LRRTM4: variants seen among roughly 807,000 people sequenced by gnomAD.
LRRTM4 encodes leucine-rich repeat transmembrane neuronal protein 4.
In LRRTM4, 25 loss-of-function variants were observed where a neutral mutation model predicts 47.6. That is an observed-to-expected ratio of 0.53 (90% CI 0.38 to 0.73). LRRTM4 has a LOEUF of 0.73. Among genes scored for constraint, LRRTM4 ranks in the 30% least tolerant of loss-of-function variants. The pLI is 0.00. For synonymous variants in LRRTM4, 311 were observed against 269.5 expected (o/e 1.15, Z -1.51); for missense variants, 638 against 713.4 (o/e 0.89, Z 1.20).
At chr2:77,104,707 T>TGGCGTCCTCA (rs1234493028) in intron 3 of LRRTM4, among the ~76,000 whole-genome samples, 12 of 152,174 alleles carry the variant, frequency 7.9e-5, no homozygotes, top group African/African-American at 2.7e-4. Context: ...GAACACTTGG[T>TGGCGTCCTCA]GGCGCCAATT....
In LRRTM4 at chr2:77,020,152, G is replaced by C. The variant is rs1039412866; in HGVS notation, c.1552-271236C>G. On this transcript the variant is annotated intron_variant, in intron 3 of 3. Coordinates refer to ENST00000409884, the MANE Select transcript of LRRTM4 (RefSeq NM_001134745.3). ...AGGAAGAGAAAGATGAAGAAAGGTA[G>C]AAATTTTCAGTTTATAAGTAGTATT... Among the ~76,000 whole-genome samples, 6 of 148,534 alleles carry C rather than the reference G, an allele frequency of 4.0e-5. No individual in the cohort carries two copies. The East Asian group carries it at 1.2e-3, about 30-fold the overall frequency.
intron 3 of LRRTM4, among the ~76,000 whole-genome samples, chr2:77,128,890 G>C (rs749846643): frequency 6.6e-6 from 1 of 152,104 alleles, no homozygotes; most frequent in Non-Finnish European, 1.5e-5. Flanking sequence ...TCCACCTGTC[G>C]TGGCCTCCCA....
chr2:77,506,868 A>C (rs932171689), intron 3 of LRRTM4, among the ~76,000 whole-genome samples: 75 of 152,122 alleles, frequency 4.9e-4, no homozygotes, highest in African/African-American at 1.8e-3. Context: ...TTCAAAAACT[A>C]TGTTTTCAAA....
chr2:76,944,851 A>C (rs1675270538), intron 3 of LRRTM4, among the ~76,000 whole-genome samples: 1 of 152,084 alleles, frequency 6.6e-6, no homozygotes, highest in Non-Finnish European at 1.5e-5. Context: ...AAACAATCAG[A>C]ATAATCTATT....
intron 3 of LRRTM4, among the ~76,000 whole-genome samples, chr2:77,514,054 A>C (rs1679118945): frequency 6.6e-6 from 1 of 151,876 alleles, no homozygotes. Context: ...ATGCACACAC[A>C]CAAACACACA....
chr2:76,903,018 T>C (rs938743395), intron 3 of LRRTM4, among the ~76,000 whole-genome samples: 5 of 152,178 alleles, frequency 3.3e-5, no homozygotes, highest in Admixed American at 6.5e-5. Flanking sequence ...TTCCACAATT[T>C]CTCAATTCAT....
intron 3 of LRRTM4, among the ~76,000 whole-genome samples, chr2:77,486,704 A>G (rs114029279): frequency 4.2e-3 from 634 of 152,360 alleles, no homozygotes; most frequent in Non-Finnish European, 7.6e-3. Flanking sequence ...AAGCAACTCT[A>G]TCTTACACAG....
intron 3 of LRRTM4, among the ~76,000 whole-genome samples, chr2:77,159,788 T>A (rs1340214707): frequency 6.8e-6 from 1 of 147,066 alleles, no homozygotes; most frequent in Non-Finnish European, 1.5e-5. Flanking sequence ...TCTGTATGAC[T>A]TTTTTGCTTT....
chr2:77,171,052 T>A (rs1008727912), intron 3 of LRRTM4, among the ~76,000 whole-genome samples: 12 of 151,796 alleles, frequency 7.9e-5, no homozygotes, highest in Non-Finnish European at 1.6e-4. Context: ...TATGCTTTAG[T>A]ACACACACAC....
At chr2:77,414,370 C>T (rs948153215) in intron 3 of LRRTM4, among the ~76,000 whole-genome samples, 9 of 152,042 alleles carry the variant, frequency 5.9e-5, no homozygotes, top group Admixed American at 1.3e-4. Context: ...AAAAAAAGAG[C>T]GAAATACTTA....
intron 3 of LRRTM4, among the ~76,000 whole-genome samples, chr2:77,131,086 G>A (rs537516861): frequency 1.4e-3 from 216 of 151,390 alleles, no homozygotes; most frequent in African/African-American, 4.7e-3. Context: ...CGCCCGCCTC[G>A]GCCTCCCAAA....
At chr2:76,909,038 C>G (rs1019011333) in intron 3 of LRRTM4, among the ~76,000 whole-genome samples, 1 of 152,116 alleles carries the variant, frequency 6.6e-6, no homozygotes, top group Non-Finnish European at 1.5e-5. Context: ...ATCGCCAAGT[C>G]AATCCTAAGC....
chr2:77,129,917 C>A (rs1671749949), intron 3 of LRRTM4, among the ~76,000 whole-genome samples: 1 of 152,136 alleles, frequency 6.6e-6, no homozygotes, highest in African/African-American at 2.4e-5. Context: ...TCTTCATATT[C>A]AAGAGTGTGT....
At chr2:77,297,542 A>G (rs1677006795) in intron 3 of LRRTM4, among the ~76,000 whole-genome samples, 1 of 152,134 alleles carries the variant, frequency 6.6e-6, no homozygotes, top group African/African-American at 2.4e-5. Context: ...GAGCTAGCCA[A>G]TGTTTTCTTC....
At chr2:77,263,127 C>T (rs1248786691) in intron 3 of LRRTM4, among the ~76,000 whole-genome samples, 2 of 152,058 alleles carry the variant, frequency 1.3e-5, no homozygotes, top group Non-Finnish European at 2.9e-5. Context: ...GTAATAAAGC[C>T]TCCATAAAAA....
intron 3 of LRRTM4, among the ~76,000 whole-genome samples, chr2:76,843,196 A>G (rs1170584791): frequency 6.6e-6 from 1 of 152,208 alleles, no homozygotes; most frequent in Non-Finnish European, 1.5e-5. Context: ...TACAAAGGCC[A>G]GAGAAGAGAG....
intron 3 of LRRTM4, among the ~76,000 whole-genome samples, chr2:77,362,162 AAAGAAAGAAAGG>A (rs1558707431): frequency 8.9e-6 from 1 of 112,830 alleles, no homozygotes; most frequent in African/African-American, 4.9e-5. Context: ...AGAAAGAAAG[AAAGAAAGAAAGG>A]AAGGAAGGAA....
chr2:77,130,092 T>C (rs1671756354), intron 3 of LRRTM4, among the ~76,000 whole-genome samples: 1 of 152,204 alleles, frequency 6.6e-6, no homozygotes, highest in East Asian at 1.9e-4. Context: ...ACAAAGATGT[T>C]TGAAGTGTGG....
chr2:76,927,244 G>A (rs1266103879), intron 3 of LRRTM4, among the ~76,000 whole-genome samples: 2 of 151,932 alleles, frequency 1.3e-5, no homozygotes. Context: ...GACCACCCTA[G>A]GAATTACCAT....
Sources: allele counts gnomAD v4.1 joint callset (sites outside exome capture counted in the v4.1 genomes callset), GRCh38; gene constraint gnomAD v4.1.1; transcripts MANE v1.5; gene names NCBI Gene and HGNC (gene_info 2026-07-23, HGNC 2026-07-21).